Variants in VPS13B observed in about 807,000 individuals in gnomAD.
VPS13B encodes intermembrane lipid transfer protein VPS13B.
VPS13B carries 285 observed loss-of-function variants against 426.4 expected under a neutral mutation model. The ratio of observed to expected loss-of-function variants is 0.67; its 90% CI spans 0.61 to 0.74. The LOEUF (loss-of-function observed/expected upper bound fraction) is 0.74. VPS13B is among the 30% of genes least tolerant of loss of function. VPS13B has a pLI of 0.00. For synonymous variants in VPS13B, 1,676 were observed against 1,676.4 expected (o/e 1.00, Z 0.01); for missense variants, 4,537 against 4,782.6 (o/e 0.95, Z 1.51).
intron 19 of VPS13B, among the ~76,000 whole-genome samples, chr8:99,337,709 A>C: frequency 6.6e-6 from 1 of 152,008 alleles, no homozygotes; most frequent in Non-Finnish European, 1.5e-5. Flanking sequence ...CAAAGAATAA[A>C]ATTTTAATAC....
chr8:99,208,130 G>A (rs77215481), intron 17 of VPS13B, among the ~76,000 whole-genome samples: 1,852 of 152,284 alleles, frequency 0.012, 39 homozygotes, highest in African/African-American at 0.043. Context: ...AGTAGCTGGC[G>A]TGTCACATCG....
intron 30 of VPS13B, among the ~76,000 whole-genome samples, chr8:99,552,838 T>C (rs1025890372): frequency 2.0e-5 from 3 of 152,068 alleles, no homozygotes; most frequent in Non-Finnish European, 4.4e-5. Context: ...CAATACACAG[T>C]TGTATTCAGA....
At chr8:99,173,505 G>A (rs1812469574) in intron 16 of VPS13B, among the ~76,000 whole-genome samples, 1 of 152,108 alleles carries the variant, frequency 6.6e-6, no homozygotes, top group African/African-American at 2.4e-5. Flanking sequence ...CACAGTTCGA[G>A]GCCTCAAGAA....
intron 39 of VPS13B, 27 bp downstream of exon 39, chr8:99,721,074 T>G: frequency 6.2e-7 from 1 of 1,611,960 alleles, no homozygotes; most frequent in Non-Finnish European, 8.5e-7. Context: ...CATTGTAAAA[T>G]GAAAACATTG....
intron 36 of VPS13B, among the ~76,000 whole-genome samples, chr8:99,700,669 A>G (rs1357515959): frequency 6.6e-6 from 1 of 152,246 alleles, no homozygotes; most frequent in Non-Finnish European, 1.5e-5. Flanking sequence ...TGGCAGTGAC[A>G]TCTACATTTT....
At chr8:99,322,426 C>T (rs1588249548) in intron 19 of VPS13B, among the ~76,000 whole-genome samples, 1 of 152,056 alleles carries the variant, frequency 6.6e-6, no homozygotes. Context: ...TATGCTGCTG[C>T]TCTTTATGTT....
At chr8:99,364,824 A>G (rs1164382103) in intron 19 of VPS13B, among the ~76,000 whole-genome samples, 3 of 152,278 alleles carry the variant, frequency 2.0e-5, no homozygotes, top group East Asian at 3.9e-4. Context: ...TACCTTCTCT[A>G]TTATTGAAAA....
chr8:99,372,978 G>A (rs1563693845), intron 19 of VPS13B, among the ~76,000 whole-genome samples: 1 of 152,164 alleles, frequency 6.6e-6, no homozygotes, highest in Non-Finnish European at 1.5e-5. Flanking sequence ...GGAATACTAT[G>A]CAGTCACAAA....
intron 35 of VPS13B, among the ~76,000 whole-genome samples, chr8:99,662,153 A>G (rs1398699593): frequency 2.0e-5 from 3 of 152,154 alleles, no homozygotes; most frequent in Non-Finnish European, 2.9e-5. Flanking sequence ...TTCAAACCTA[A>G]GTCTTTATGA....
chr8:99,452,911 A>C (rs1300592519), intron 23 of VPS13B, among the ~76,000 whole-genome samples: 1 of 152,220 alleles, frequency 6.6e-6, no homozygotes, highest in Non-Finnish European at 1.5e-5. Flanking sequence ...ACTTGCAGTG[A>C]GCCTTGCAGA....
At chr8:99,062,098 A>G (rs1016981301) in intron 3 of VPS13B, among the ~76,000 whole-genome samples, 1 of 152,180 alleles carries the variant, frequency 6.6e-6, no homozygotes, top group Non-Finnish European at 1.5e-5. Context: ...GCTTCCTTCA[A>G]CTTGTCTAAA....
At chr8:99,305,021 T>C (rs1333493039) in intron 19 of VPS13B, among the ~76,000 whole-genome samples, 1 of 152,180 alleles carries the variant, frequency 6.6e-6, no homozygotes, top group Non-Finnish European at 1.5e-5. Flanking sequence ...CTTACCATTT[T>C]CATTAGTGTA....
At chr8:99,042,136 A>G (rs972077993) in intron 3 of VPS13B, among the ~76,000 whole-genome samples, 1 of 151,804 alleles carries the variant, frequency 6.6e-6, no homozygotes, top group African/African-American at 2.4e-5. Flanking sequence ...GTGAAACTCC[A>G]TCTCAAAAAA....
chr8:99,748,487 A>G (rs140495239), intron 39 of VPS13B, among the ~76,000 whole-genome samples: 1 of 152,214 alleles, frequency 6.6e-6, no homozygotes, highest in African/African-American at 2.4e-5. Context: ...GTAAATAGAC[A>G]TATTTTTGAA....
rs573529366 is a variant in VPS13B at position 99,534,328 on chromosome 8, T to C, written c.4745+13318T>C. On this transcript the variant is annotated intron_variant, in intron 30 of 61. Coordinates refer to ENST00000357162, the MANE Select transcript of VPS13B (RefSeq NM_152564.5). ...CAACAGTGTTGAAAATGACGATAAG[T>C]TCTACCATCATAAATTTTTGAAATG... 8.8e-4 allele frequency among the ~76,000 whole-genome samples: 134 copies of C among 152,300 alleles called. 2 individuals are homozygous for C. Among genetic ancestry groups the C allele is most frequent in the South Asian group, 1.5e-3 (7 of 4,826 alleles).
At chr8:99,015,675 A>G (rs1841576948) in intron 2 of VPS13B, among the ~76,000 whole-genome samples, 1 of 151,782 alleles carries the variant, frequency 6.6e-6, no homozygotes, top group African/African-American at 2.4e-5. Flanking sequence ...AGGCCAAAGC[A>G]GGCAGATCAT....
intron 30 of VPS13B, among the ~76,000 whole-genome samples, chr8:99,532,024 A>G (rs1279062864): frequency 6.6e-6 from 1 of 152,094 alleles, no homozygotes; most frequent in African/African-American, 2.4e-5. Context: ...CTTCGGAGGT[A>G]TTTTTAATTA....
intron 16 of VPS13B, among the ~76,000 whole-genome samples, chr8:99,190,580 C>T (rs1813508420): frequency 6.6e-6 from 1 of 151,926 alleles, no homozygotes; most frequent in Non-Finnish European, 1.5e-5. Flanking sequence ...ATTAGTTTTA[C>T]CTTTTAGTTT....
intron 8 of VPS13B, among the ~76,000 whole-genome samples, chr8:99,125,095 A>G (rs1256952542): frequency 6.6e-6 from 1 of 152,152 alleles, no homozygotes; most frequent in Non-Finnish European, 1.5e-5. Flanking sequence ...CACGATCACA[A>G]GGTAAAGTCC....
Sources: gnomAD v4.1 joint callset for allele counts (sites outside exome capture counted in the v4.1 genomes callset) on GRCh38, gnomAD v4.1.1 for gene constraint, MANE v1.5 for transcripts, NCBI Gene and HGNC (gene_info 2026-07-23, HGNC 2026-07-21) for gene names.